The following ACVR1C variants were observed in gnomAD, a reference collection of about 807,000 sequenced individuals.
ACVR1C encodes the protein activin A receptor type 1C.
ACVR1C carries 23 observed loss-of-function variants against 57.9 expected under a neutral mutation model. The ratio of observed to expected loss-of-function variants is 0.40; its 90% confidence interval spans 0.29 to 0.56. The LOEUF is 0.56. Ranked by LOEUF, ACVR1C falls within the 20% of genes least tolerant of loss-of-function variation. The pLI is 0.50. For synonymous variants in ACVR1C, 214 were observed against 215.3 expected (o/e 0.99, Z 0.05); for missense variants, 480 against 607.9 (o/e 0.79, Z 2.21).
At chr2:157,579,054 C>T (rs984378208) in intron 2 of ACVR1C, among the ~76,000 whole-genome samples, 6 of 152,098 alleles carry the variant, frequency 3.9e-5, no homozygotes, top group African/African-American at 1.2e-4. Context: ...TAGGACTTCC[C>T]TTTGTCTTTG....
intron 8 of ACVR1C, among the ~76,000 whole-genome samples, chr2:157,535,152 A>C (rs1167634146): frequency 1.3e-5 from 2 of 151,928 alleles, no homozygotes; most frequent in African/African-American, 4.8e-5. Flanking sequence ...CCAAAAAAAA[A>C]AAAAAAAAAA....
At chr2:157,595,438 T>C (rs1682071607) in intron 1 of ACVR1C, among the ~76,000 whole-genome samples, 1 of 152,220 alleles carries the variant, frequency 6.6e-6, no homozygotes, top group African/African-American at 2.4e-5. Context: ...AAACAGACCC[T>C]ATTTGAAGTG....
chr2:157,534,852 G>C (rs1034003994), intron 8 of ACVR1C, among the ~76,000 whole-genome samples: 3 of 152,096 alleles, frequency 2.0e-5, no homozygotes, highest in African/African-American at 7.2e-5. Flanking sequence ...ACAGCACACA[G>C]AAAGTTTCAG....
chr2:157,534,020 T>G lies in ACVR1C; in HGVS notation c.1380A>C (p.Ile460=). Residue 460 remains isoleucine (I), a synonymous_variant, in exon 9 of 9, where the codon ATA becomes ATC. Transcript: ENST00000243349. ...SCEALRVMGR[I]MRECWYANGA... The stretch of plus-strand genomic sequence containing the variant: ...CGTTGGCATACCAACACTCACGCAT[T>G]ATTCTCCCCATGACTCGGAGTGCCT... 6.3e-7 allele frequency: 1 copy of G among 1,580,502 alleles called. No individual in the cohort carries two copies. Among genetic ancestry groups the G allele is most frequent in the Non-Finnish European group, 8.6e-7 (1 of 1,166,562 alleles).
At chr2:157,548,033 T>A (rs1422486799) in intron 4 of ACVR1C, among the ~76,000 whole-genome samples, 1 of 152,188 alleles carries the variant, frequency 6.6e-6, no homozygotes, top group Non-Finnish European at 1.5e-5. Flanking sequence ...AGCTTTCTAT[T>A]GTCTCAGCCC....
rs1410798012 is a variant in ACVR1C at position 157,576,925 on chromosome 2, G to A, written c.304+10262C>T. 9.4e-5 allele frequency among the ~76,000 whole-genome samples: 4 copies of A among 42,464 alleles called. 2 individuals carry two copies. In the East Asian group the frequency reaches 1.7e-3, roughly 18 times the overall value. The allele number at this position is 42,464 out of a possible 152,430, so 27.9% of individuals were successfully genotyped here. A position where few individuals can be genotyped will look rare whatever the true frequency, so the allele number is the denominator to read the frequency against. On this transcript the variant is annotated intron_variant, in intron 2 of 8. Transcript: ENST00000243349. Reference sequence around the variant, plus strand: ...TGCGGACTGCAGTGGCACAATCTCGGCTCACTGCAAGCTCCGCTTCCCGGG... The same window carrying A: ...TGCGGACTGCAGTGGCACAATCTCGACTCACTGCAAGCTCCGCTTCCCGGG...
chr2:157,585,367 T>C (rs1294799797), intron 2 of ACVR1C, among the ~76,000 whole-genome samples: 2 of 152,188 alleles, frequency 1.3e-5, no homozygotes, highest in East Asian at 1.9e-4. Flanking sequence ...CTTAATACAG[T>C]TGATTTTTGA....
chr2:157,565,832 G>A (rs1276045534), intron 2 of ACVR1C, among the ~76,000 whole-genome samples: 2 of 152,158 alleles, frequency 1.3e-5, no homozygotes, highest in African/African-American at 4.8e-5. Flanking sequence ...TCTGGGAGTA[G>A]ATGATGAACA....
In ACVR1C at chr2:157,531,174, AGCCT is replaced by A. The variant is rs1687342438; in HGVS notation, c.*2740_*2743del. On this transcript the variant is annotated 3_prime_UTR_variant, in exon 9 of 9. Transcript: ENST00000243349. ...TTTGACAGCATAAGTATATACAAGA[AGCCT>A]GCCTTATGCTCTAAACTTCATCATC... is the stretch of plus-strand genomic sequence containing the variant. 1 of 152,062 alleles carries A rather than the reference AGCCT, an allele frequency of 6.6e-6. No individual in the cohort carries two copies. Among genetic ancestry groups the A allele is most frequent in the Non-Finnish European group, 1.5e-5 (1 of 67,956 alleles). The allele number at this position is 152,062 out of a possible 1,614,324, so 9.4% of individuals were successfully genotyped here.
intron 2 of ACVR1C, among the ~76,000 whole-genome samples, chr2:157,576,025 G>A (rs1293131147): frequency 6.6e-6 from 1 of 151,828 alleles, no homozygotes; most frequent in African/African-American, 2.4e-5. Context: ...GAAATATAAT[G>A]AATATACAGA....
chr2:157,536,505 C>T (rs1687490728), intron 8 of ACVR1C, among the ~76,000 whole-genome samples: 1 of 152,106 alleles, frequency 6.6e-6, no homozygotes, highest in African/African-American at 2.4e-5. Flanking sequence ...GGAATAATAA[C>T]TTCAAGGTGT....
rs576187948 is a variant in ACVR1C at position 157,556,438 on chromosome 2, C to T, written c.305-106G>A. On this transcript the variant is annotated intron_variant, in intron 2 of 8. Coordinates refer to ENST00000243349, the MANE Select transcript of ACVR1C (RefSeq NM_145259.3). ...ATTTCACATCCAGAATATTCAGCTA[C>T]ACAGTATGCACTTATGTTCATTGGT... The T allele has an allele frequency of 3.6e-6, 5 of 1,406,236 alleles. No homozygotes were observed. In the African/African-American group the frequency reaches 4.3e-5, roughly 12 times the overall value. The allele number at this position is 1,406,236 out of a possible 1,614,324, so 87.1% of individuals were successfully genotyped here.
intron 2 of ACVR1C, among the ~76,000 whole-genome samples, chr2:157,560,852 G>A (rs139991796): frequency 2.0e-5 from 3 of 152,272 alleles, no homozygotes; most frequent in East Asian, 1.9e-4. Flanking sequence ...GTGGAGGTAC[G>A]TACTTGATCA....
intron 8 of ACVR1C, among the ~76,000 whole-genome samples, chr2:157,534,720 A>C (rs1573899877): frequency 6.6e-6 from 1 of 152,186 alleles, no homozygotes; most frequent in African/African-American, 2.4e-5. Context: ...AACAATGAAA[A>C]TGCATGAAAC....
At chr2:157,606,116 T>C (rs1325456379) in intron 1 of ACVR1C, among the ~76,000 whole-genome samples, 1 of 151,774 alleles carries the variant, frequency 6.6e-6, no homozygotes, top group Non-Finnish European at 1.5e-5. Context: ...ATCATGTTGC[T>C]GCAAATAACA....
At position 157,533,915 on chromosome 2, in the gene ACVR1C, T is replaced by C; in HGVS notation, c.*3A>G. On this transcript the variant is annotated 3_prime_UTR_variant, in exon 9 of 9. Coordinates refer to ENST00000243349, the MANE Select transcript of ACVR1C (RefSeq NM_145259.3). Reference sequence around the variant, plus strand: ...AGATTTCTTTTTAACATAATTATCATCATTAGGCTTTGCAGTCTTCTTTGA... The same window carrying C: ...AGATTTCTTTTTAACATAATTATCACCATTAGGCTTTGCAGTCTTCTTTGA... 1 of 1,565,156 alleles carries C rather than the reference T, an allele frequency of 6.4e-7. No homozygotes were observed. Among genetic ancestry groups the C allele is most frequent in the Non-Finnish European group, 8.6e-7 (1 of 1,162,534 alleles).
intron 2 of ACVR1C, among the ~76,000 whole-genome samples, chr2:157,585,302 G>GTAAA (rs1401918816): frequency 4.6e-5 from 7 of 151,968 alleles, no homozygotes; most frequent in South Asian, 2.1e-4. Context: ...CTATTTTTTT[G>GTAAA]TAAATAAATA....
intron 2 of ACVR1C, among the ~76,000 whole-genome samples, chr2:157,557,088 C>CTGTTCTTGAGTCATATA (rs1289608381): frequency 6.6e-5 from 10 of 151,788 alleles, no homozygotes; most frequent in Non-Finnish European, 1.3e-4. Context: ...GCCCAAATTC[C>CTGTTCTTGAGTCATATA]TGTTCTTGAG....
intron 1 of ACVR1C, among the ~76,000 whole-genome samples, chr2:157,617,602 C>A (rs1682682742): frequency 1.3e-5 from 2 of 151,902 alleles, no homozygotes; most frequent in South Asian, 4.1e-4. Context: ...TGAGTACACA[C>A]AAAAGACTTG....
Sources: allele counts gnomAD v4.1 joint callset (sites outside exome capture counted in the v4.1 genomes callset), GRCh38; gene constraint gnomAD v4.1.1; transcripts MANE v1.5; gene names NCBI Gene and HGNC (gene_info 2026-07-23, HGNC 2026-07-21).